Variants in NELL1 observed in about 807,000 individuals in gnomAD.
The protein encoded by NELL1 is protein kinase C-binding protein NELL1.
NELL1 carries 76 observed loss-of-function variants against 107.4 expected under a neutral mutation model. That is an observed-to-expected ratio of 0.71 (90% CI 0.59 to 0.86). The LOEUF (loss-of-function observed/expected upper bound fraction) is 0.86, where lower values mean the gene tolerates loss of function less well. Among genes scored for constraint, NELL1 ranks in the 40% least tolerant of loss-of-function variants. NELL1 has a pLI of 0.00. For missense variants in NELL1, 1,024 were observed against 1,005.5 expected (o/e 1.02, Z -0.25); for synonymous variants, 353 against 341.2 (o/e 1.03, Z -0.38).
chr11:20,729,051 A>AT (rs558744392), intron 2 of NELL1, among the ~76,000 whole-genome samples: 22 of 151,706 alleles, frequency 1.5e-4, no homozygotes, highest in African/African-American at 4.3e-4. Flanking sequence ...TAGGTATTTT[A>AT]TTTTTTTTAT....
At chr11:21,313,478 A>G (rs1037825182) in intron 14 of NELL1, among the ~76,000 whole-genome samples, 1 of 152,174 alleles carries the variant, frequency 6.6e-6, no homozygotes, top group African/African-American at 2.4e-5. Context: ...TGACTGAGGC[A>G]CAAGCTCCAG....
intron 14 of NELL1, chr11:21,284,867 C>A (rs1469623885): frequency 1.3e-5 from 4 of 296,386 alleles, no homozygotes; most frequent in East Asian, 1.6e-4. Context: ...ACAAAAGTGT[C>A]CACACTGCAG....
chr11:20,768,031 CGTTT>C (rs1856568552), intron 2 of NELL1, among the ~76,000 whole-genome samples: 1 of 152,056 alleles, frequency 6.6e-6, no homozygotes, highest in Non-Finnish European at 1.5e-5. Context: ...GCAGAGGTGA[CGTTT>C]GAGCTGAAGC....
intron 14 of NELL1, among the ~76,000 whole-genome samples, chr11:21,358,168 C>A (rs907898332): frequency 1.3e-5 from 2 of 152,112 alleles, no homozygotes; most frequent in Non-Finnish European, 2.9e-5. Flanking sequence ...ATTGCTTTTT[C>A]TAGCTCTGTG....
intron 3 of NELL1, among the ~76,000 whole-genome samples, chr11:20,824,008 C>T (rs1857818445): frequency 6.6e-6 from 1 of 151,190 alleles, no homozygotes. Flanking sequence ...GCATCCTCAC[C>T]CAAATCTCAT....
intron 16 of NELL1, among the ~76,000 whole-genome samples, chr11:21,545,079 T>C (rs1456412777): frequency 6.6e-6 from 1 of 152,044 alleles, no homozygotes; most frequent in Admixed American, 6.6e-5. Flanking sequence ...TGAGTGACGT[T>C]CTAGTGGTTT....
chr11:21,159,218 G>A (rs758196057), intron 13 of NELL1, among the ~76,000 whole-genome samples: 4 of 152,042 alleles, frequency 2.6e-5, no homozygotes, highest in African/African-American at 4.8e-5. Flanking sequence ...TTGGACCTAG[G>A]TCTTGGATCC....
At chr11:21,456,660 T>A (rs1217419172) in intron 15 of NELL1, among the ~76,000 whole-genome samples, 1 of 152,154 alleles carries the variant, frequency 6.6e-6, no homozygotes, top group Non-Finnish European at 1.5e-5. Context: ...TGAGAATCTA[T>A]TATGCTAGGC....
At chr11:21,542,740 A>G (rs951424341) in intron 16 of NELL1, among the ~76,000 whole-genome samples, 3 of 152,036 alleles carry the variant, frequency 2.0e-5, no homozygotes, top group South Asian at 2.1e-4. Flanking sequence ...TTTTAAACCA[A>G]TTTTTTAAAT....
At chr11:21,281,147 G>C (rs1848983770) in intron 14 of NELL1, among the ~76,000 whole-genome samples, 1 of 151,814 alleles carries the variant, frequency 6.6e-6, no homozygotes, top group Non-Finnish European at 1.5e-5. Flanking sequence ...GTCACAGTCA[G>C]AGTCATAAGG....
intron 9 of NELL1, among the ~76,000 whole-genome samples, chr11:20,935,962 C>T (rs1850715915): frequency 6.6e-6 from 1 of 151,938 alleles, no homozygotes; most frequent in Admixed American, 6.6e-5. Context: ...AGGAGTGGAA[C>T]ATATTTGGGT....
rs1048020633 is a variant in NELL1 at position 21,363,244 on chromosome 11, T to C, written c.1550-7609T>C. Among the ~76,000 whole-genome samples the C allele has an allele frequency of 4.6e-5, 7 of 152,334 alleles. No individual in the cohort carries two copies. In the South Asian group the frequency reaches 1.5e-3, roughly 32 times the overall value. On this transcript the variant is annotated intron_variant, in intron 14 of 19. Coordinates refer to ENST00000357134, the MANE Select transcript of NELL1 (RefSeq NM_006157.5). ...GAGATATAGTGAAGGGATGGCTTCCTGGGGCTCAAGTTGGAGGCTGGGAGT... is the reference window on the plus strand; with the variant it reads ...GAGATATAGTGAAGGGATGGCTTCCCGGGGCTCAAGTTGGAGGCTGGGAGT...
chr11:20,821,660 C>T (rs1857756423), intron 3 of NELL1, among the ~76,000 whole-genome samples: 1 of 152,170 alleles, frequency 6.6e-6, no homozygotes, highest in African/African-American at 2.4e-5. Context: ...CTCACTCTGA[C>T]ACATTGGAAT....
chr11:21,249,853 A>G (rs1858593038), intron 14 of NELL1, among the ~76,000 whole-genome samples: 1 of 152,206 alleles, frequency 6.6e-6, no homozygotes, highest in Non-Finnish European at 1.5e-5. Context: ...GAAAGTCCAG[A>G]AGAAACTAAA....
intron 12 of NELL1, among the ~76,000 whole-genome samples, chr11:20,994,746 A>C (rs1852051522): frequency 6.6e-6 from 1 of 152,194 alleles, no homozygotes; most frequent in Non-Finnish European, 1.5e-5. Context: ...CTAAACTAGA[A>C]TTATTTGTTG....
intron 1 of NELL1, chr11:20,674,426 C>A: frequency 1.6e-6 from 2 of 1,287,586 alleles, no homozygotes; most frequent in South Asian, 2.5e-5. Context: ...CCTCATGAGT[C>A]TGGTGTAACA....
intron 15 of NELL1, 96 bp from the exon 16 acceptor site, chr11:21,534,278 T>A: frequency 5.7e-6 from 8 of 1,391,392 alleles, no homozygotes; most frequent in Non-Finnish European, 8.1e-6. Flanking sequence ...CAGTTTTAAT[T>A]GATATGTTGA....
chr11:21,560,387 G>C lies in NELL1; in HGVS notation c.1980+5G>C. The C allele has an allele frequency of 6.4e-7, 1 of 1,557,632 alleles. No individual in the cohort carries two copies. Among genetic ancestry groups the C allele is most frequent in the Non-Finnish European group, 8.7e-7 (1 of 1,154,600 alleles). On this transcript the variant is annotated splice_donor_5th_base_variant and intron_variant, in intron 17 of 19. Transcript: ENST00000357134. ...TGTTCTGTCTGCTCCTGCAAGGTGA[G>C]GCTGATGTGGTGCAGCAGAAATTGA...
chr11:21,541,716 G>A (rs1354611760), intron 16 of NELL1, among the ~76,000 whole-genome samples: 2 of 152,074 alleles, frequency 1.3e-5, no homozygotes, highest in Non-Finnish European at 2.9e-5. Flanking sequence ...GCAGCATTTA[G>A]AAAGATATTT....
Sources: allele counts gnomAD v4.1 joint callset (sites outside exome capture counted in the v4.1 genomes callset), GRCh38; gene constraint gnomAD v4.1.1; transcripts MANE v1.5; gene names NCBI Gene and HGNC (gene_info 2026-07-23, HGNC 2026-07-21).